MCU: variants seen among roughly 807,000 people sequenced by gnomAD.
The protein encoded by MCU is mitochondrial calcium uniporter, also known as calcium uniporter protein, mitochondrial.
In MCU, 12 loss-of-function variants were observed where a neutral mutation model predicts 45.2. The ratio of observed to expected loss-of-function variants is 0.27; its 90% CI spans 0.17 to 0.43. The LOEUF (loss-of-function observed/expected upper bound fraction) is 0.43. Among genes scored for constraint, MCU ranks in the 20% least tolerant of loss-of-function variants. MCU has a pLI of 1.00. For missense variants in MCU, 324 were observed against 436.7 expected, an observed-to-expected ratio of 0.74 and a Z score of 2.30; for synonymous variants, 160 against 165.1, an observed-to-expected ratio of 0.97 and a Z score of 0.24.
chr10:72,784,709 C>A (rs1844046116), intron 1 of MCU, among the ~76,000 whole-genome samples: 1 of 152,082 alleles, frequency 6.6e-6, no homozygotes, highest in Non-Finnish European at 1.5e-5. Context: ...GAAAGCCTGT[C>A]CGTATGTGTG....
chr10:72,812,846 G>C (rs1230530563), intron 1 of MCU, among the ~76,000 whole-genome samples: 1 of 152,158 alleles, frequency 6.6e-6, no homozygotes, highest in African/African-American at 2.4e-5. Context: ...TGGGAGGTTG[G>C]TGGAGAGGAG....
intron 1 of MCU, among the ~76,000 whole-genome samples, chr10:72,832,755 G>A (rs1388988334): frequency 6.6e-6 from 1 of 152,124 alleles, no homozygotes; most frequent in African/African-American, 2.4e-5. Context: ...CTTTATATGG[G>A]TGATGTTAGT....
chr10:72,701,978 G>T (rs970034588), intron 1 of MCU, among the ~76,000 whole-genome samples: 1 of 152,098 alleles, frequency 6.6e-6, no homozygotes, highest in South Asian at 2.1e-4. Flanking sequence ...TGTGGCTCAT[G>T]CCTGTAATCC....
intron 1 of MCU, among the ~76,000 whole-genome samples, chr10:72,755,148 T>A (rs1398264962): frequency 2.1e-5 from 3 of 141,330 alleles, no homozygotes; most frequent in African/African-American, 8.4e-5. Flanking sequence ...AACCTGAGAT[T>A]TTTTTTTTTT....
chr10:72,742,022 C>CAAAAAAAAAAAAAAAAAA (rs59028044), intron 1 of MCU, among the ~76,000 whole-genome samples: 1 of 72,886 alleles, frequency 1.4e-5, no homozygotes, highest in African/African-American at 5.6e-5. Flanking sequence ...GACTCCGTCT[C>CAAAAAAAAAAAAAAAAAA]AAAAAAAAAA....
chr10:72,885,237 T>C (rs1420870451), intron 7 of MCU, among the ~76,000 whole-genome samples: 11 of 152,352 alleles, frequency 7.2e-5, no homozygotes, highest in Admixed American at 1.3e-4. Flanking sequence ...CTAGGCTTGC[T>C]CGTTAGTCCA....
intron 2 of MCU, among the ~76,000 whole-genome samples, chr10:72,844,187 G>C (rs1404577681): frequency 1.3e-5 from 2 of 152,140 alleles, no homozygotes; most frequent in Non-Finnish European, 2.9e-5. Flanking sequence ...AGGAGTTCGA[G>C]ACCAGCCTGG....
chr10:72,794,049 AGTCT>A (rs1314114038), intron 1 of MCU, among the ~76,000 whole-genome samples: 1 of 152,170 alleles, frequency 6.6e-6, no homozygotes, highest in Non-Finnish European at 1.5e-5. Flanking sequence ...ATCAACTCTA[AGTCT>A]AGGATCTCAT....
At chr10:72,825,808 G>A (rs550676596) in intron 1 of MCU, among the ~76,000 whole-genome samples, 1 of 152,252 alleles carries the variant, frequency 6.6e-6, no homozygotes, top group Admixed American at 6.5e-5. Context: ...TTATTTTCAT[G>A]AATTAATAGA....
intron 6 of MCU, among the ~76,000 whole-genome samples, 187 bp downstream of exon 6, chr10:72,871,767 T>C (rs1443668657): frequency 6.6e-6 from 1 of 152,198 alleles, no homozygotes; most frequent in African/African-American, 2.4e-5. Flanking sequence ...GAGGTAGATA[T>C]AAGACATGAC....
chr10:72,706,702 A>G (rs966334124), intron 1 of MCU, among the ~76,000 whole-genome samples: 1 of 151,110 alleles, frequency 6.6e-6, no homozygotes, highest in Non-Finnish European at 1.5e-5. Flanking sequence ...ACATCCAGCT[A>G]ATTTTTGTAC....
chr10:72,747,905 T>G (rs530745942), intron 1 of MCU, among the ~76,000 whole-genome samples: 25 of 152,108 alleles, frequency 1.6e-4, no homozygotes, highest in Non-Finnish European at 1.0e-4. Context: ...TAGCCGTATT[T>G]TAAAAAGTGG....
At chr10:72,832,076 G>GT (rs1000113296) in intron 1 of MCU, among the ~76,000 whole-genome samples, 2 of 152,020 alleles carry the variant, frequency 1.3e-5, no homozygotes, top group African/African-American at 4.8e-5. Flanking sequence ...TTATTTTAAT[G>GT]TTTTTTAAGA....
intron 6 of MCU, among the ~76,000 whole-genome samples, chr10:72,876,454 T>G (rs1450510607): frequency 6.6e-6 from 1 of 152,206 alleles, no homozygotes; most frequent in Admixed American, 6.5e-5. Context: ...CTCCTAATAT[T>G]GGACTAATCT....
At chr10:72,877,129 C>T (rs1419090799) in intron 6 of MCU, among the ~76,000 whole-genome samples, 1 of 152,006 alleles carries the variant, frequency 6.6e-6, no homozygotes, top group African/African-American at 2.4e-5. Context: ...CTACATTGCC[C>T]AGGCTGGTCT....
chr10:72,707,196 ATCT>A (rs1268751486), intron 1 of MCU, among the ~76,000 whole-genome samples: 7 of 147,028 alleles, frequency 4.8e-5, no homozygotes, highest in African/African-American at 1.5e-4. Context: ...GCATTTTGAA[ATCT>A]TTTTTTTTTT....
At chr10:72,739,369 T>C (rs1589438830) in intron 1 of MCU, among the ~76,000 whole-genome samples, 1 of 152,374 alleles carries the variant, frequency 6.6e-6, no homozygotes, top group African/African-American at 2.4e-5. Flanking sequence ...TTGCATCAAA[T>C]AGGATTTTAA....
At chr10:72,850,349 T>G (rs1011506098) in intron 2 of MCU, among the ~76,000 whole-genome samples, 1 of 152,202 alleles carries the variant, frequency 6.6e-6, no homozygotes, top group Non-Finnish European at 1.5e-5. Flanking sequence ...CATAAGCCCC[T>G]GAAATCATCC....
intron 2 of MCU, among the ~76,000 whole-genome samples, chr10:72,853,440 A>T (rs183024261): frequency 7.0e-4 from 107 of 152,312 alleles, no homozygotes; most frequent in Non-Finnish European, 1.2e-3. Flanking sequence ...TGCAATTAAA[A>T]CTATCCAAAA....
Sources: gnomAD v4.1 joint callset for allele counts (sites outside exome capture counted in the v4.1 genomes callset) on GRCh38, gnomAD v4.1.1 for gene constraint, MANE v1.5 for transcripts, NCBI Gene and HGNC (gene_info 2026-07-23, HGNC 2026-07-21) for gene names.